Variants in HOMER2 observed in about 807,000 individuals in gnomAD.
The protein encoded by HOMER2 is homer scaffold protein 2.
A neutral mutation model predicts 47.0 loss-of-function variants in HOMER2; 27 were observed. The ratio of observed to expected loss-of-function variants is 0.57; its 90% CI spans 0.42 to 0.79. HOMER2 has a LOEUF of 0.79. HOMER2 is among the 30% of genes least tolerant of loss of function. HOMER2 has a pLI of 0.00. For missense variants in HOMER2, 443 were observed against 435.0 expected, an observed-to-expected ratio of 1.02 and a Z score of -0.16; for synonymous variants, 161 against 163.8, an observed-to-expected ratio of 0.98 and a Z score of 0.13.
chr15:82,875,139 G>A (rs2052305717), intron 3 of HOMER2, 134 bp downstream of exon 3: 14 of 1,029,532 alleles, frequency 1.4e-5, no homozygotes, highest in African/African-American at 8.0e-5. Flanking sequence ...TGGCAGCCCC[G>A]TGATGCCAGG....
At chr15:82,882,228 TC>T (rs2052543191) in intron 2 of HOMER2, among the ~76,000 whole-genome samples, 1 of 133,910 alleles carries the variant, frequency 7.5e-6, no homozygotes, top group South Asian at 2.5e-4. Flanking sequence ...GGTCCTTGGG[TC>T]CCCCCTTGGC....
At chr15:82,862,058 GTCTT>G (rs1596308445) in intron 4 of HOMER2, among the ~76,000 whole-genome samples, 1 of 145,180 alleles carries the variant, frequency 6.9e-6, no homozygotes, top group Non-Finnish European at 1.5e-5. Context: ...AACAAAAATA[GTCTT>G]TCTCTCTCTT....
chr15:82,869,444 A>C (rs1046138819), intron 3 of HOMER2, among the ~76,000 whole-genome samples: 3 of 142,764 alleles, frequency 2.1e-5, no homozygotes, highest in Non-Finnish European at 3.0e-5. Flanking sequence ...ATTTTCTACT[A>C]AACATCTTTT....
chr15:82,952,149 C>A (rs904673075), intron 1 of HOMER2: 18 of 631,882 alleles, frequency 2.8e-5, no homozygotes, highest in Admixed American at 1.3e-4. Context: ...TAAATCCAAA[C>A]GTGGAGAACG....
chr15:82,908,940 C>T (rs565583063), intron 1 of HOMER2, among the ~76,000 whole-genome samples: 3 of 151,930 alleles, frequency 2.0e-5, no homozygotes, highest in South Asian at 2.1e-4. Flanking sequence ...AAGACAACAC[C>T]AGGGAGCCCA....
chr15:82,855,746 C>T (rs558840747), intron 5 of HOMER2, among the ~76,000 whole-genome samples: 1 of 152,352 alleles, frequency 6.6e-6, no homozygotes, highest in Admixed American at 6.5e-5. Context: ...GACCAGGAAT[C>T]TGAGGGACAC....
At chr15:82,839,247 G>C (rs2151581500) in exon 2 of HOMER2, 1 of 152,310 alleles carries the variant, frequency 6.6e-6, no homozygotes, top group East Asian at 1.9e-4. Flanking sequence ...CTTTGTGTGG[G>C]CCCTACTGAG....
At position 82,851,166 on chromosome 15, in the gene HOMER2, G is replaced by C; in HGVS notation, c.828C>G (p.Val276=). 1 of 1,580,372 alleles carries C rather than the reference G, an allele frequency of 6.3e-7. No individual in the cohort carries two copies. The highest frequency in any genetic ancestry group is 8.6e-7 in the Non-Finnish European group (1 of 1,161,270). ...IPQLMSECEY[V]SEKLEAAERD... ...ACCCACGTACCTCTAGCTTCTCAGA[G>C]ACATATTCGCACTCTGACATGAGCT... The change falls in exon 8 of 9, where the codon GTC becomes GTG. Residue 276 remains valine (V), a synonymous_variant. Transcript: ENST00000450735.
At chr15:82,854,168 GCTGAGGCGGGTGTATCAC>G (rs1412300507) in intron 6 of HOMER2, among the ~76,000 whole-genome samples, 1 of 152,240 alleles carries the variant, frequency 6.6e-6, no homozygotes, top group Non-Finnish European at 1.5e-5. Context: ...ACTTCAGGAG[GCTGAGGCGGGTGTATCAC>G]CTGAGGCCAG....
In HOMER2 at chr15:82,892,730, A is replaced by T. The variant is rs753444538; in HGVS notation, c.117T>A (p.Asp39Glu). The T allele has an allele frequency of 3.1e-6, 5 of 1,604,014 alleles. No homozygotes were observed. Among genetic ancestry groups the T allele is most frequent in the Non-Finnish European group, 3.4e-6 (4 of 1,172,930 alleles). Residue 39 changes from aspartate (D) to glutamate (E), a missense_variant, in exon 2 of 9, where the codon GAT becomes GAA. Asp to Glu is a conservative substitution (Grantham distance 45, BLOSUM62 2). Transcript: ENST00000450735. ...TGATCCGATAGCTGTTCCTTGTGAC[A>T]TCATAGAAGTAGGAAACGGTGACCG... ...KQAVTVSYFYDVTRNSYRIIS... is the reference protein window; with the variant it reads ...KQAVTVSYFYEVTRNSYRIIS...
chr15:82,851,944 GT>G (rs919837453), intron 7 of HOMER2, among the ~76,000 whole-genome samples, 197 bp downstream of exon 7: 1 of 152,218 alleles, frequency 6.6e-6, no homozygotes, highest in African/African-American at 2.4e-5. Context: ...TAGAACAGGG[GT>G]AACAGGGAGG....
downstream of HOMER2, chr15:82,846,241 C>T (rs1266851458): frequency 6.6e-6 from 1 of 152,214 alleles, no homozygotes; most frequent in African/African-American, 2.4e-5. Context: ...TCCACTAAAG[C>T]CATCAATAAA....
intron 3 of HOMER2, 70 bp downstream of exon 3, chr15:82,875,203 C>T (rs890563874): frequency 1.3e-5 from 20 of 1,540,696 alleles, no homozygotes; most frequent in African/African-American, 9.5e-5. Context: ...GCACATCCCT[C>T]GGCGGGCAAT....
chr15:82,859,563 G>T (rs965920211), intron 4 of HOMER2, among the ~76,000 whole-genome samples: 1 of 152,028 alleles, frequency 6.6e-6, no homozygotes, highest in African/African-American at 2.4e-5. Context: ...TAGAAACAAG[G>T]AATGAAAAAG....
intron 1 of HOMER2, among the ~76,000 whole-genome samples, chr15:82,904,662 A>G (rs1168709328): frequency 6.6e-6 from 1 of 152,174 alleles, no homozygotes; most frequent in Non-Finnish European, 1.5e-5. Flanking sequence ...GCCCCCTTCA[A>G]CCATCCTGTC....
intron 3 of HOMER2, among the ~76,000 whole-genome samples, chr15:82,867,731 G>A (rs2052021475): frequency 6.6e-6 from 1 of 152,060 alleles, no homozygotes; most frequent in South Asian, 2.1e-4. Context: ...TGTCTTGTTA[G>A]TGAAAAAAAC....
Position 82,849,561 on chromosome 15 carries a change from T to C in HOMER2, c.*154A>G. The C allele has an allele frequency of 7.9e-6, 5 of 629,266 alleles. 1 individual carries two copies. In the South Asian group the frequency reaches 1.0e-4, roughly 13 times the overall value. The allele number at this position is 629,266 out of a possible 1,614,324, so 39.0% of individuals were successfully genotyped here. A position where few individuals can be genotyped will look rare whatever the true frequency, so the allele number is the denominator to read the frequency against. On this transcript the variant is annotated 3_prime_UTR_variant, in exon 9 of 9. Transcript: ENST00000450735. ...GAGAAGCGAGAGGAGATTTCTATTC[T>C]GAAAAGGAGTGAGTGGACGGCACAA... is the stretch of plus-strand genomic sequence containing the variant.
chr15:82,929,918 T>C (rs1596363206), intron 1 of HOMER2, among the ~76,000 whole-genome samples: 2 of 151,694 alleles, frequency 1.3e-5, no homozygotes, highest in Admixed American at 1.3e-4. Flanking sequence ...TTAGTAGAGA[T>C]GGGGCTTCTC....
exon 2 of HOMER2, chr15:82,842,896 T>C (rs1252975591): frequency 1.3e-5 from 2 of 151,580 alleles, no homozygotes; most frequent in African/African-American, 4.9e-5. Flanking sequence ...AGATCAGAGG[T>C]TTTTAAAATT....
Sources: allele counts gnomAD v4.1 joint callset (sites outside exome capture counted in the v4.1 genomes callset), GRCh38; gene constraint gnomAD v4.1.1; transcripts MANE v1.5; gene names NCBI Gene and HGNC (gene_info 2026-07-23, HGNC 2026-07-21).